The following PCBP3 variants were observed in gnomAD, a reference collection of about 807,000 sequenced individuals.
PCBP3 encodes the protein poly(rC) binding protein 3.
A neutral mutation model predicts 52.7 loss-of-function variants in PCBP3; 25 were observed. That is an observed-to-expected ratio of 0.47 (90% confidence interval 0.35 to 0.66). The LOEUF is 0.66. PCBP3 is among the 30% of genes least tolerant of loss of function. The pLI is 0.01. For missense variants in PCBP3, 391 were observed against 490.3 expected (o/e 0.80, Z 1.91); for synonymous variants, 162 against 183.0 (o/e 0.89, Z 0.93).
intron 5 of PCBP3, among the ~76,000 whole-genome samples, chr21:45,889,163 G>T (rs927851495): frequency 6.6e-6 from 1 of 152,240 alleles, no homozygotes; most frequent in South Asian, 2.1e-4. Flanking sequence ...AGAGCGATGT[G>T]TGTGGGAGTG....
At chr21:45,838,552 T>A (rs544977958) in intron 4 of PCBP3, among the ~76,000 whole-genome samples, 1 of 152,274 alleles carries the variant, frequency 6.6e-6, no homozygotes, top group South Asian at 2.1e-4. Context: ...AAGAGAAAAT[T>A]AAGATAAATA....
At chr21:45,852,384 TGTAGCCACCCTGACTTTTGTTC>T (rs2094053212) in intron 5 of PCBP3, among the ~76,000 whole-genome samples, 1 of 143,746 alleles carries the variant, frequency 7.0e-6, no homozygotes, top group Non-Finnish European at 1.5e-5. Context: ...AACACAGCCC[TGTAGCCACCCTGACTTTTGTTC>T]AGAAGGAACA....
intron 1 of PCBP3, among the ~76,000 whole-genome samples, chr21:45,662,023 C>T (rs2080425749): frequency 6.6e-6 from 1 of 151,658 alleles, no homozygotes; most frequent in Non-Finnish European, 1.5e-5. Flanking sequence ...TCTTGTAGAT[C>T]CTGGATATTA....
At chr21:45,872,918 C>G (rs1293818263) in intron 5 of PCBP3, 1 of 152,170 alleles carries the variant, frequency 6.6e-6, no homozygotes, top group East Asian at 1.9e-4. Context: ...ATATATACTG[C>G]TGATTGCATT....
intron 2 of PCBP3, among the ~76,000 whole-genome samples, chr21:45,669,813 A>G (rs1433138794): frequency 0.012 from 1,043 of 87,244 alleles, 2 homozygotes; most frequent in South Asian, 0.028. Flanking sequence ...GTGTATATAT[A>G]TATATATATA....
At chr21:45,669,032 G>A (rs1036408804) in intron 2 of PCBP3, 80 bp downstream of exon 2, 17 of 152,082 alleles carry the variant, frequency 1.1e-4, no homozygotes, top group African/African-American at 3.9e-4. Context: ...CCCTGCCTGA[G>A]GTATGTTGGC....
At chr21:45,793,786 C>T (rs2091764688) in intron 4 of PCBP3, among the ~76,000 whole-genome samples, 1 of 152,098 alleles carries the variant, frequency 6.6e-6, no homozygotes, top group Non-Finnish European at 1.5e-5. Context: ...CTTCAAAATA[C>T]TCGGGAAAAA....
intron 5 of PCBP3, among the ~76,000 whole-genome samples, chr21:45,891,346 C>T (rs373180809): frequency 3.3e-5 from 5 of 152,220 alleles, no homozygotes; most frequent in Non-Finnish European, 5.9e-5. Flanking sequence ...GCATACAGCT[C>T]GAATGTTCTT....
intron 5 of PCBP3, among the ~76,000 whole-genome samples, chr21:45,877,185 G>A (rs1302909314): frequency 1.3e-5 from 2 of 152,228 alleles, no homozygotes. Flanking sequence ...GAAAATAGAT[G>A]ATGGATTACC....
chr21:45,873,757 CTACA>C (rs2095133210), intron 5 of PCBP3, among the ~76,000 whole-genome samples: 1 of 152,182 alleles, frequency 6.6e-6, no homozygotes, highest in Non-Finnish European at 1.5e-5. Context: ...ATTCCATGGT[CTACA>C]TGTCTGGTTT....
At chr21:45,887,815 A>G (rs2095556659) in intron 5 of PCBP3, among the ~76,000 whole-genome samples, 1 of 152,178 alleles carries the variant, frequency 6.6e-6, no homozygotes, top group East Asian at 1.9e-4. Flanking sequence ...CGCACTCCCT[A>G]AGCTTCCCGG....
intron 3 of PCBP3, among the ~76,000 whole-genome samples, chr21:45,739,747 C>A (rs1455571456): frequency 6.6e-6 from 1 of 151,974 alleles, no homozygotes; most frequent in African/African-American, 2.4e-5. Flanking sequence ...GGTGGACCCC[C>A]CATCTTCATC....
intron 11 of PCBP3, among the ~76,000 whole-genome samples, chr21:45,911,516 C>T (rs1033503468): frequency 6.6e-6 from 1 of 152,096 alleles, no homozygotes; most frequent in African/African-American, 2.4e-5. Context: ...ATACAAAACT[C>T]ATGCAGAAGT....
At chr21:45,807,659 T>G (rs1434507522) in intron 4 of PCBP3, among the ~76,000 whole-genome samples, 2 of 152,014 alleles carry the variant, frequency 1.3e-5, no homozygotes, top group African/African-American at 2.4e-5. Flanking sequence ...ACCATTGACT[T>G]ACTTCACAGA....
At chr21:45,824,727 A>G (rs1045970359) in intron 4 of PCBP3, among the ~76,000 whole-genome samples, 6 of 152,262 alleles carry the variant, frequency 3.9e-5, no homozygotes, top group South Asian at 4.2e-4. Flanking sequence ...TAACGGTTCC[A>G]CATGATGAAA....
At chr21:45,712,664 T>G (rs2083917293) in intron 2 of PCBP3, among the ~76,000 whole-genome samples, 1 of 152,174 alleles carries the variant, frequency 6.6e-6, no homozygotes, top group Non-Finnish European at 1.5e-5. Context: ...ATGATGATGA[T>G]TATTATACAT....
Position 45,853,232 on chromosome 21 carries a change from C to T in PCBP3, c.10+3137C>T, listed in dbSNP as rs117427768. ...CACACAGCATCTCCTTGTTGTGCTC[C>T]GTGGATGTCGGGGTGGAAGGTGACC... is the stretch of plus-strand genomic sequence containing the variant. On this transcript the variant is annotated intron_variant, in intron 5 of 17. Coordinates refer to ENST00000681687, the MANE Select transcript of PCBP3 (RefSeq NM_001384156.1). This position sits in a 1 kb window ranked among gnomAD's most constrained non-coding sequence, Gnocchi z 4.6. Among the ~76,000 whole-genome samples the T allele has an allele frequency of 7.2e-5, 11 of 152,244 alleles. No homozygotes were observed. Among genetic ancestry groups the T allele is most frequent in the African/African-American group, 9.6e-5 (4 of 41,540 alleles).
chr21:45,657,944 A>G (rs1347678343), intron 1 of PCBP3, among the ~76,000 whole-genome samples: 3 of 152,204 alleles, frequency 2.0e-5, no homozygotes, highest in Non-Finnish European at 4.4e-5. Flanking sequence ...CTTTAACACA[A>G]TGTTTAATTG....
intron 3 of PCBP3, among the ~76,000 whole-genome samples, chr21:45,753,488 T>C (rs558314084): frequency 6.6e-6 from 1 of 152,266 alleles, no homozygotes; most frequent in South Asian, 2.1e-4. Flanking sequence ...ATTTTTGTTT[T>C]ATCCTCCCTG....
Sources: gnomAD v4.1 joint callset for allele counts (sites outside exome capture counted in the v4.1 genomes callset) on GRCh38, gnomAD v4.1.1 for gene constraint, Gnocchi (gnomAD v3.1) non-coding constraint, MANE v1.5 for transcripts, NCBI Gene and HGNC (gene_info 2026-07-23, HGNC 2026-07-21) for gene names.